Variants in MXRA7 observed in about 807,000 individuals in gnomAD.
The protein encoded by MXRA7 is matrix-remodeling-associated protein 7.
A neutral mutation model predicts 17.4 loss-of-function variants in MXRA7; 18 were observed. That is an observed-to-expected ratio of 1.03 (90% CI 0.71 to 1.53). MXRA7 has a LOEUF of 1.53. Ranked by LOEUF, MXRA7 falls within the 40% of genes most tolerant of loss-of-function variation. The probability of loss-of-function intolerance (pLI) is 0.00; values close to 1 mark genes in which losing one functional copy is unlikely to be tolerated. For missense variants in MXRA7, 141 were observed against 209.3 expected, an observed-to-expected ratio of 0.67 and a Z score of 2.01; for synonymous variants, 70 against 101.7, an observed-to-expected ratio of 0.69 and a Z score of 1.87.
chr17:76,685,133 T>TC lies in MXRA7; in HGVS notation c.438dup (p.Lys147GlufsTer23), dbSNP rs775460122. ...TTCTTGTACTGGTTTCCCCTCAGCT[T>TC]CCCGGGGCTGTATTTGAAGGAGAAG... On this transcript the variant is annotated frameshift_variant, in exon 3 of 4. Transcript: ENST00000449428. LOFTEE classifies it high-confidence loss of function. 2.5e-5 allele frequency: 40 copies of TC among 1,613,900 alleles called. No individual in the cohort carries two copies. The Admixed American group carries it at 5.3e-4, about 22-fold the overall frequency.
intron 3 of MXRA7, chr17:76,683,834 T>A: frequency 3.1e-6 from 5 of 1,608,378 alleles, no homozygotes; most frequent in East Asian, 2.2e-5. Flanking sequence ...GTCTAAGAAA[T>A]CAGTGTCCTT....
chr17:76,694,743 G>T (rs774203426), intron 1 of MXRA7, among the ~76,000 whole-genome samples: 4 of 152,110 alleles, frequency 2.6e-5, no homozygotes, highest in Non-Finnish European at 5.9e-5. Flanking sequence ...GGGCCACGAG[G>T]CTTGGCTAAT....
At position 76,685,602 on chromosome 17, in the gene MXRA7, G is replaced by C. The variant is rs117229693; in HGVS notation, c.407-437C>G. On this transcript the variant is annotated intron_variant, in intron 2 of 3. Coordinates refer to ENST00000449428, the MANE Select transcript of MXRA7 (RefSeq NM_198530.4). ...GTGGCTATTGGAAATCTGAAAACAC[G>C]CATCCAGGCAGCCCACAGTGGCCAG... Among the ~76,000 whole-genome samples the C allele has an allele frequency of 1.4e-3, 216 of 152,338 alleles. 2 individuals are homozygous for C. The East Asian group carries it at 0.023, about 16-fold the overall frequency.
At chr17:76,692,213 C>A (rs1187973610) in intron 1 of MXRA7, among the ~76,000 whole-genome samples, 19 of 140,328 alleles carry the variant, frequency 1.4e-4, no homozygotes, top group Middle Eastern at 3.3e-3. Flanking sequence ...ACCCTGTCAC[C>A]AAAAGAAAAA....
At chr17:76,677,826 G>A (rs1026195591), downstream of MXRA7, 2 of 658,620 alleles carry the variant, frequency 3.0e-6, no homozygotes, top group South Asian at 3.5e-5. Context: ...TTGCTTTTCA[G>A]AACAAGAAGA....
chr17:76,710,536 G>T (rs1292771611), intron 1 of MXRA7, 69 bp downstream of exon 1: 3 of 1,189,042 alleles, frequency 2.5e-6, no homozygotes, highest in Non-Finnish European at 3.2e-6. Context: ...TCCCTGGCTC[G>T]GCGGGGAACG....
At chr17:76,690,663 A>AAT (rs1199586431) in intron 1 of MXRA7, among the ~76,000 whole-genome samples, 1 of 152,140 alleles carries the variant, frequency 6.6e-6, no homozygotes, top group South Asian at 2.1e-4. Flanking sequence ...TAACATCCTA[A>AAT]ATATATATAT....
intron 1 of MXRA7, among the ~76,000 whole-genome samples, chr17:76,706,232 C>T (rs557027048): frequency 4.8e-4 from 55 of 115,218 alleles, no homozygotes; most frequent in African/African-American, 1.5e-3. Context: ...CCCACTCTGC[C>T]GTCACAGAGG....
At chr17:76,708,465 G>A (rs57932794) in intron 1 of MXRA7, among the ~76,000 whole-genome samples, 3,636 of 152,258 alleles carry the variant, frequency 0.024, 145 homozygotes, top group African/African-American at 0.082. Flanking sequence ...TCCCAACCCT[G>A]ATTTGAGTTA....
In MXRA7 at chr17:76,685,058, G is replaced by C. The variant is rs572677696; in HGVS notation, c.500+14C>G. 64 of 1,610,776 alleles carry C rather than the reference G, an allele frequency of 4.0e-5. No homozygotes were observed. In the South Asian group the frequency reaches 6.7e-4, roughly 17 times the overall value. Reference sequence around the variant, plus strand: ...AAGAGCCCGCCAGGCGCCAGCGAAGGGGCTGCAGCCTACCTCTGCTCCTCC... The same window carrying C: ...AAGAGCCCGCCAGGCGCCAGCGAAGCGGCTGCAGCCTACCTCTGCTCCTCC... On this transcript the variant is annotated intron_variant, in intron 3 of 3. Coordinates refer to ENST00000449428, the MANE Select transcript of MXRA7 (RefSeq NM_198530.4).
chr17:76,710,669 T>TCGGGCTCCCCCGGTCCCG lies in MXRA7; in HGVS notation c.260_277dup (p.Ala87_Pro92dup). 7.5e-7 allele frequency: 1 copy of TCGGGCTCCCCCGGTCCCG among 1,327,330 alleles called. No individual in the cohort carries two copies. The highest frequency in any genetic ancestry group is 3.3e-5 in the Admixed American group (1 of 30,540). The allele number at this position is 1,327,330 out of a possible 1,614,324, so 82.2% of individuals were successfully genotyped here. The stretch of plus-strand genomic sequence containing the variant: ...CGCCGCCGCGGGATCCCCTGGCCCT[T>TCGGGCTCCCCCGGTCCCG]CGGGCTCCCCCGGTCCCGCAGGCTC... On this transcript the variant is annotated inframe_insertion, in exon 1 of 4. Transcript: ENST00000449428.
At chr17:76,699,760 G>A (rs1310978161) in intron 1 of MXRA7, among the ~76,000 whole-genome samples, 1 of 152,110 alleles carries the variant, frequency 6.6e-6, no homozygotes, top group East Asian at 1.9e-4. Flanking sequence ...GTCTGGGCAG[G>A]GGTCCCCCAG....
intron 1 of MXRA7, among the ~76,000 whole-genome samples, chr17:76,706,288 ACG>A (rs2076656836): frequency 1.7e-5 from 2 of 119,704 alleles, no homozygotes; most frequent in African/African-American, 6.0e-5. Flanking sequence ...ACAGAGGCCC[ACG>A]CTGCCGTCAC....
intron 1 of MXRA7, among the ~76,000 whole-genome samples, chr17:76,696,574 C>T (rs767143116): frequency 3.3e-5 from 5 of 151,200 alleles, no homozygotes; most frequent in African/African-American, 2.4e-5. Flanking sequence ...ATTTTTTAAA[C>T]GAAAAAAATA....
At chr17:76,702,575 C>T (rs750830030) in intron 1 of MXRA7, among the ~76,000 whole-genome samples, 2 of 152,030 alleles carry the variant, frequency 1.3e-5, no homozygotes, top group African/African-American at 4.8e-5. Context: ...GAGGGCCGGG[C>T]GCAGTGGCTT....
At chr17:76,686,429 G>A (rs996510968) in intron 2 of MXRA7, among the ~76,000 whole-genome samples, 4 of 152,214 alleles carry the variant, frequency 2.6e-5, no homozygotes, top group East Asian at 3.9e-4. Context: ...GCAGTGAGCC[G>A]AGATCGCGCC....
chr17:76,701,084 G>C (rs1248554612), intron 1 of MXRA7, among the ~76,000 whole-genome samples: 1 of 152,148 alleles, frequency 6.6e-6, no homozygotes, highest in Non-Finnish European at 1.5e-5. Context: ...GCTGTGAGCA[G>C]GGGCCGGGGG....
chr17:76,695,754 T>C (rs2076527538), intron 1 of MXRA7, among the ~76,000 whole-genome samples: 1 of 152,140 alleles, frequency 6.6e-6, no homozygotes, highest in Admixed American at 6.5e-5. Context: ...CCAGTGGCTC[T>C]ACAGACTTGG....
chr17:76,687,191 C>A (rs751487348), intron 2 of MXRA7, among the ~76,000 whole-genome samples: 6 of 152,164 alleles, frequency 3.9e-5, no homozygotes, highest in African/African-American at 7.2e-5. Context: ...CTAATGTCCC[C>A]ACCTGCAGCC....
Sources: gnomAD v4.1 joint callset for allele counts (sites outside exome capture counted in the v4.1 genomes callset) on GRCh38, gnomAD v4.1.1 for gene constraint, MANE v1.5 for transcripts, NCBI Gene and HGNC (gene_info 2026-07-23, HGNC 2026-07-21) for gene names.